The following NEB variants were observed in gnomAD, a reference collection of about 807,000 sequenced individuals.
NEB encodes nemaline myopathy type 2.
NEB carries 512 observed loss-of-function variants against 952.2 expected under a neutral mutation model. The ratio of observed to expected loss-of-function variants is 0.54; its 90% CI spans 0.50 to 0.58. The LOEUF is 0.58. NEB is among the 20% of genes least tolerant of loss of function. The probability of loss-of-function intolerance (pLI) is 0.00; values close to 1 mark genes in which losing one functional copy is unlikely to be tolerated. For missense variants in NEB, 8,428 were observed against 9,231.1 expected (o/e 0.91, Z 3.56); for synonymous variants, 2,900 against 3,149.8 (o/e 0.92, Z 2.66).
chr2:151,497,942 A>ATGT (rs927832807), intron 170 of NEB: 58 of 1,445,772 alleles, frequency 4.0e-5, no homozygotes, highest in Non-Finnish European at 5.0e-5. Flanking sequence ...AGAGTTATCC[A>ATGT]TGTTATTTTT....
At chr2:151,574,620 C>A (rs1246869002) in intron 107 of NEB, among the ~76,000 whole-genome samples, 5 of 152,032 alleles carry the variant, frequency 3.3e-5, no homozygotes, top group African/African-American at 1.2e-4. Context: ...TCTTGGCATT[C>A]CTGCATGAAC....
At chr2:151,639,481 G>T (rs2098820455) in intron 62 of NEB, 97 bp from the exon 63 acceptor site, 2 of 912,644 alleles carry the variant, frequency 2.2e-6, no homozygotes, top group African/African-American at 1.7e-5. Context: ...AAAAAGAAAA[G>T]GTTATGTGTT....
intron 153 of NEB, among the ~76,000 whole-genome samples, chr2:151,522,832 C>G (rs1409707675): frequency 6.6e-6 from 1 of 152,104 alleles, no homozygotes; most frequent in Non-Finnish European, 1.5e-5. Context: ...TTGAGGTATT[C>G]CGCCTAGAGT....
At chr2:151,642,202 C>T (rs2098873035) in intron 60 of NEB, among the ~76,000 whole-genome samples, 1 of 152,306 alleles carries the variant, frequency 6.6e-6, no homozygotes, top group Admixed American at 6.5e-5. Context: ...ATAATTCAGC[C>T]CTTGTAGATT....
At chr2:151,665,309 C>T (rs778236886) in intron 42 of NEB, 24 bp downstream of exon 42, 8 of 1,608,308 alleles carry the variant, frequency 5.0e-6, no homozygotes, top group South Asian at 3.3e-5. Flanking sequence ...GTTCCCTGGG[C>T]GAGGCTGGCA....
chr2:151,709,655 C>T lies in NEB; in HGVS notation c.1035+1G>A, dbSNP rs1313089322. The T allele has an allele frequency of 1.3e-6, 2 of 1,582,468 alleles. No individual in the cohort carries two copies. The highest frequency in any genetic ancestry group is 1.7e-6 in the Non-Finnish European group (2 of 1,161,214). On this transcript the variant is annotated splice_donor_variant, in intron 12 of 181. Coordinates refer to ENST00000397345, the MANE Select transcript of NEB (RefSeq NM_001164508.2). LOFTEE classifies it high-confidence loss of function. Reference sequence around the variant, plus strand: ...AGATAAATGGGATGATTTCCTCATACCTTGCTAGCTGCCACACCAGCTTTT... The same window carrying T: ...AGATAAATGGGATGATTTCCTCATATCTTGCTAGCTGCCACACCAGCTTTT...
intron 126 of NEB, 43 bp downstream of exon 126, chr2:151,553,785 G>A (rs761560645): frequency 6.5e-7 from 1 of 1,543,696 alleles, no homozygotes; most frequent in Admixed American, 1.9e-5. Context: ...GTGGGGCCGT[G>A]GGGCGGGGCC....
At chr2:151,560,485 T>C (rs2095963483) in intron 124 of NEB, 107 bp downstream of exon 124, 1 of 853,230 alleles carries the variant, frequency 1.2e-6, no homozygotes, top group Non-Finnish European at 1.9e-6. Flanking sequence ...ACGGGAGTGC[T>C]AGGGGTACTT....
chr2:151,729,749 C>A (rs534643907), intron 3 of NEB, 93 bp from the exon 4 acceptor site: 1 of 1,307,450 alleles, frequency 7.6e-7, no homozygotes, highest in African/African-American at 1.5e-5. Flanking sequence ...ACTGCACTAG[C>A]TCGGTTGATT....
intron 124 of NEB, among the ~76,000 whole-genome samples, chr2:151,559,640 G>A (rs2095891969): frequency 6.6e-6 from 1 of 152,192 alleles, no homozygotes; most frequent in Non-Finnish European, 1.5e-5. Context: ...GTCCTTTGCA[G>A]GGACATGGAT....
At chr2:151,612,705 AC>A (rs1306854582) in intron 77 of NEB, among the ~76,000 whole-genome samples, 2 of 152,092 alleles carry the variant, frequency 1.3e-5, no homozygotes, top group Non-Finnish European at 2.9e-5. Flanking sequence ...GATGGTCCCT[AC>A]CTCCTCTTAT....
At chr2:151,633,575 T>C (rs1334907365) in intron 65 of NEB, 79 bp downstream of exon 65, 30 of 1,494,740 alleles carry the variant, frequency 2.0e-5, no homozygotes, top group Admixed American at 1.1e-4. Context: ...ACTTGAGTAA[T>C]GGATTGTATA....
Position 151,696,564 on chromosome 2 carries a change from T to C in NEB, c.1569+73A>G, listed in dbSNP as rs773952255. ...CCTTTTGAATAAACTTGATAAGTCATTGGATTTTATGTATAGAGTTATGAA... is the reference window on the plus strand; with the variant it reads ...CCTTTTGAATAAACTTGATAAGTCACTGGATTTTATGTATAGAGTTATGAA... On this transcript the variant is annotated intron_variant, in intron 17 of 181. Coordinates refer to ENST00000397345, the MANE Select transcript of NEB (RefSeq NM_001164508.2). The C allele has an allele frequency of 2.2e-4, 257 of 1,156,658 alleles. 1 individual carries two copies. Among genetic ancestry groups the C allele is most frequent in the Admixed American group, 3.5e-4 (19 of 53,692 alleles). The allele number at this position is 1,156,658 out of a possible 1,614,324, so 71.6% of individuals were successfully genotyped here. A position where few individuals can be genotyped will look rare whatever the true frequency, so the allele number is the denominator to read the frequency against.
At position 151,614,410 on chromosome 2, in the gene NEB, C is replaced by G. The variant is rs1489953672; in HGVS notation, c.11467G>C (p.Gly3823Arg). 5 of 1,613,912 alleles carry G rather than the reference C, an allele frequency of 3.1e-6. No individual in the cohort carries two copies. Among genetic ancestry groups the G allele is most frequent in the Non-Finnish European group, 3.4e-6 (4 of 1,179,862 alleles). The change falls in exon 77 of 182, where the codon GGG (glycine) becomes CGG (arginine). Residue 3823 changes from glycine to arginine, a missense_variant. By Grantham distance (125) the Gly-to-Arg change is moderately radical (BLOSUM62 -2). This residue lies in a region of NEB where 1,772 missense variants were observed against 1,960.3 expected (regional missense o/e 0.90). Transcript: ENST00000397345. Reference protein sequence around the residue: ...TKFSSPVDMLGVVLAKKCQIL... With the variant: ...TKFSSPVDMLRVVLAKKCQIL... ...TGACACTTCTTGGCCAGCACCACCC[C>G]CAGCATGTCCACTGGGCTGCTGAAC... is the stretch of plus-strand genomic sequence containing the variant.
intron 120 of NEB, 133 bp from the exon 121 acceptor site, chr2:151,562,347 G>A: frequency 1.2e-6 from 1 of 818,368 alleles, no homozygotes; most frequent in Non-Finnish European, 2.0e-6. Flanking sequence ...CCAGCTGGAA[G>A]GTCTTTAATT....
chr2:151,722,359 A>G (rs574102907), intron 9 of NEB, among the ~76,000 whole-genome samples: 9 of 152,290 alleles, frequency 5.9e-5, no homozygotes, highest in Non-Finnish European at 1.0e-4. Flanking sequence ...TTTCAAGCCT[A>G]AGGACTCTGT....
At chr2:151,534,627 A>C (rs2092693662) in intron 142 of NEB, among the ~76,000 whole-genome samples, 1 of 152,232 alleles carries the variant, frequency 6.6e-6, no homozygotes, top group Admixed American at 6.5e-5. Flanking sequence ...CGGTATATTT[A>C]AAATAGGGTA....
chr2:151,565,786 C>G lies in NEB; in HGVS notation c.18191G>C (p.Gly6064Ala). ...VYRADLEWLR[G>A]IGWIPLDSVD... ...AGAATCCAGTGGGATCCAGCCAATG[C>G]CTCGGAGCCACTCCAGGTCAGCTCT... is the stretch of plus-strand genomic sequence containing the variant. Residue 6064 changes from glycine to alanine, a missense_variant, in exon 115 of 182, where the codon GGC (glycine) becomes GCC (alanine). Gly to Ala is a moderately conservative substitution (Grantham distance 60). Coordinates refer to ENST00000397345, the MANE Select transcript of NEB (RefSeq NM_001164508.2). 6.2e-7 allele frequency: 1 copy of G among 1,611,960 alleles called. No homozygotes were observed. Among genetic ancestry groups the G allele is most frequent in the African/African-American group, 1.3e-5 (1 of 75,008 alleles).
At chr2:151,671,510 T>C (rs1196931499) in intron 37 of NEB, 2 of 375,696 alleles carry the variant, frequency 5.3e-6, no homozygotes, top group Non-Finnish European at 9.6e-6. Flanking sequence ...CTTTCTATAA[T>C]GGTTGTTTAT....
Sources: allele counts gnomAD v4.1 joint callset (sites outside exome capture counted in the v4.1 genomes callset), GRCh38; gene constraint gnomAD v4.1.1; regional missense constraint gnomAD v4.1.1; transcripts MANE v1.5; gene names NCBI Gene and HGNC (gene_info 2026-07-23, HGNC 2026-07-21).